CRY2: variants seen among roughly 807,000 people sequenced by gnomAD.
CRY2 encodes the protein cryptochrome circadian regulator 2, also known as cryptochrome-2.
A neutral mutation model predicts 69.5 loss-of-function variants in CRY2; 31 were observed. The observed-to-expected ratio is 0.45, with a 90% CI of 0.34 to 0.60. CRY2 has a LOEUF of 0.60. Among genes scored for constraint, CRY2 ranks in the 20% least tolerant of loss-of-function variants. The pLI is 0.02. For missense variants in CRY2, 606 were observed against 797.8 expected (o/e 0.76, Z 2.90); for synonymous variants, 303 against 312.2 (o/e 0.97, Z 0.31).
intron 11 of CRY2, among the ~76,000 whole-genome samples, chr11:45,876,290 T>C (rs1161799580): frequency 1.3e-5 from 2 of 152,194 alleles, no homozygotes; most frequent in African/African-American, 4.8e-5. Context: ...GTGTACAGGG[T>C]GTACAGTCAC....
chr11:45,868,987 G>C (rs985423683), intron 6 of CRY2, among the ~76,000 whole-genome samples: 1 of 152,182 alleles, frequency 6.6e-6, no homozygotes, highest in Non-Finnish European at 1.5e-5. Flanking sequence ...TTTGTGGCAT[G>C]GGATAGCTTT....
chr11:45,855,462 G>A (rs1438990000), intron 1 of CRY2, among the ~76,000 whole-genome samples: 1 of 152,190 alleles, frequency 6.6e-6, no homozygotes, highest in East Asian at 1.9e-4. Context: ...TCATACCACA[G>A]TATTGCACTG....
intron 6 of CRY2, among the ~76,000 whole-genome samples, chr11:45,869,153 A>C (rs2086354161): frequency 6.6e-6 from 1 of 152,220 alleles, no homozygotes; most frequent in South Asian, 2.1e-4. Flanking sequence ...TGATAGGAAA[A>C]TTCCTTTTGA....
In CRY2 at chr11:45,870,456, C is replaced by T; in HGVS notation, c.1473C>T (p.Asn491=). Residue 491 remains asparagine, a synonymous_variant, in exon 9 of 12, where the codon AAC becomes AAT. Coordinates refer to ENST00000616080, the MANE Select transcript of CRY2 (RefSeq NM_021117.5). Reference sequence around the variant, plus strand: ...TGGACTACCCACGGCCCATCGTCAACCATGCCGAGACCAGCCGGCTTAACA... The same window carrying T: ...TGGACTACCCACGGCCCATCGTCAATCATGCCGAGACCAGCCGGCTTAACA... The part of the protein sequence containing the change: ...IGVDYPRPIV[N]HAETSRLNIE... 6.2e-7 allele frequency: 1 copy of T among 1,614,234 alleles called. No homozygotes were observed. The highest frequency in any genetic ancestry group is 8.5e-7 in the Non-Finnish European group (1 of 1,180,046).
chr11:45,856,795 C>CAAAA (rs558781174), intron 2 of CRY2, among the ~76,000 whole-genome samples: 1 of 64,262 alleles, frequency 1.6e-5, no homozygotes, highest in Non-Finnish European at 3.2e-5. Context: ...GACTCCGTCT[C>CAAAA]AAAAAAAAAA....
Position 45,882,344 on chromosome 11 carries a change from A to T in CRY2, c.*1433A>T. The T allele has an allele frequency of 9.7e-6, 3 of 308,242 alleles. No homozygotes were observed. The highest frequency in any genetic ancestry group is 1.2e-5 in the Non-Finnish European group (2 of 168,444). The allele number at this position is 308,242 out of a possible 1,614,324, so 19.1% of individuals were successfully genotyped here. A position where few individuals can be genotyped will look rare whatever the true frequency, so the allele number is the denominator to read the frequency against. ...GATTCCTGTTTGGATTTTTGTCCTC[A>T]CGTGTATCATTAAGCTGGCCTTTGG... On this transcript the variant is annotated 3_prime_UTR_variant, in exon 12 of 12. Transcript: ENST00000616080.
intron 5 of CRY2, among the ~76,000 whole-genome samples, chr11:45,865,232 G>A (rs569143159): frequency 1.3e-5 from 2 of 152,234 alleles, no homozygotes; most frequent in South Asian, 2.1e-4. Flanking sequence ...AATGCAGAAC[G>A]TGTTTATTAT....
At chr11:45,857,521 G>C (rs1015932574) in intron 2 of CRY2, among the ~76,000 whole-genome samples, 2 of 152,132 alleles carry the variant, frequency 1.3e-5, no homozygotes, top group African/African-American at 4.8e-5. Flanking sequence ...TTTTTATTGA[G>C]CTTCTGCTAG....
chr11:45,857,312 A>G (rs751111720), intron 2 of CRY2, among the ~76,000 whole-genome samples: 1 of 152,184 alleles, frequency 6.6e-6, no homozygotes, highest in Non-Finnish European at 1.5e-5. Context: ...AGGAGAGGAA[A>G]CAGTCATTGG....
At chr11:45,853,167 C>T (rs1590761411) in intron 1 of CRY2, among the ~76,000 whole-genome samples, 1 of 152,298 alleles carries the variant, frequency 6.6e-6, no homozygotes, top group South Asian at 2.1e-4. Context: ...CCTCAGTTCC[C>T]TCATCTATAA....
At chr11:45,874,587 T>C (rs1388210400) in intron 11 of CRY2, among the ~76,000 whole-genome samples, 1 of 152,186 alleles carries the variant, frequency 6.6e-6, no homozygotes, top group African/African-American at 2.4e-5. Context: ...ACTGGCAATA[T>C]CACTTCCCCC....
upstream of CRY2, chr11:45,847,458 G>A (rs763802857): frequency 6.3e-7 from 1 of 1,595,088 alleles, no homozygotes; most frequent in South Asian, 1.1e-5. Context: ...CTACCGGGGC[G>A]GAGCGGGGGT....
intron 3 of CRY2, among the ~76,000 whole-genome samples, chr11:45,860,222 C>G (rs2086275915): frequency 6.6e-6 from 1 of 152,064 alleles, no homozygotes; most frequent in Admixed American, 6.6e-5. Context: ...CTACAAGACT[C>G]TCTTTAAGTA....
intron 4 of CRY2, 63 bp downstream of exon 4, chr11:45,861,095 G>A (rs1478685309): frequency 2.6e-6 from 4 of 1,510,560 alleles, no homozygotes; most frequent in Admixed American, 2.2e-5. Context: ...GAAATTCTTT[G>A]TGAAAGTAAT....
upstream of CRY2, chr11:45,847,474 G>C: frequency 6.3e-7 from 1 of 1,599,790 alleles, no homozygotes; most frequent in South Asian, 1.1e-5. Flanking sequence ...GGGGTGGCTG[G>C]AGCAGTCTGG....
chr11:45,882,358 G>T lies in CRY2; in HGVS notation c.*1447G>T. 2.9e-6 allele frequency: 1 copy of T among 344,418 alleles called. No homozygotes were observed. The highest frequency in any genetic ancestry group is 5.2e-6 in the Non-Finnish European group (1 of 191,594). 21.3% of individuals were successfully genotyped at this position (344,418 alleles called of 1,614,324 possible). On this transcript the variant is annotated 3_prime_UTR_variant, in exon 12 of 12. Coordinates refer to ENST00000616080, the MANE Select transcript of CRY2 (RefSeq NM_021117.5). The stretch of plus-strand genomic sequence containing the variant: ...TTTTTGTCCTCACGTGTATCATTAA[G>T]CTGGCCTTTGGGCCTTTTCCTTTCT...
intron 3 of CRY2, 61 bp from the exon 4 acceptor site, chr11:45,860,787 G>A: frequency 6.4e-7 from 1 of 1,558,106 alleles, no homozygotes; most frequent in Non-Finnish European, 8.7e-7. Context: ...TTTTTTGGGT[G>A]GGCAGGGACC....
At chr11:45,864,184 C>T (rs934461616) in intron 5 of CRY2, among the ~76,000 whole-genome samples, 2 of 152,056 alleles carry the variant, frequency 1.3e-5, no homozygotes, top group Non-Finnish European at 2.9e-5. Context: ...TGTTGAACTG[C>T]ACCATGAGTA....
At chr11:45,854,241 T>C (rs149045399) in intron 1 of CRY2, among the ~76,000 whole-genome samples, 37 of 152,352 alleles carry the variant, frequency 2.4e-4, no homozygotes, top group African/African-American at 8.7e-4. Flanking sequence ...CATATGCAGA[T>C]TGACCTGTGG....
Sources: gnomAD v4.1 joint callset for allele counts (sites outside exome capture counted in the v4.1 genomes callset) on GRCh38, gnomAD v4.1.1 for gene constraint, MANE v1.5 for transcripts, NCBI Gene and HGNC (gene_info 2026-07-23, HGNC 2026-07-21) for gene names.